Variants in ZMYM4 observed in about 807,000 individuals in gnomAD.
ZMYM4 encodes zinc finger MYM-type containing 4.
Under a neutral mutation model 183.2 loss-of-function variants are expected in ZMYM4, and 31 were observed. That is an observed-to-expected ratio of 0.17 (90% confidence interval 0.13 to 0.23). ZMYM4 has a LOEUF of 0.23. Ranked by LOEUF, ZMYM4 falls within the 10% of genes least tolerant of loss-of-function variation. ZMYM4 has a pLI of 1.00. For missense variants in ZMYM4, 1,273 were observed against 1,840.3 expected (o/e 0.69, Z 5.64); for synonymous variants, 592 against 631.2 (o/e 0.94, Z 0.93).
intron 1 of ZMYM4, among the ~76,000 whole-genome samples, chr1:35,298,410 C>CA (rs1008007619): frequency 1.6e-4 from 24 of 151,786 alleles, no homozygotes; most frequent in East Asian, 5.8e-4. Flanking sequence ...TACTGTGTCT[C>CA]AAAAAAAAGT....
chr1:35,390,397 A>T (rs1377647660), intron 15 of ZMYM4, among the ~76,000 whole-genome samples: 1 of 151,670 alleles, frequency 6.6e-6, no homozygotes, highest in Non-Finnish European at 1.5e-5. Context: ...CCGTTTTATA[A>T]GATTTGGGTA....
Position 35,389,917 on chromosome 1 carries a change from T to C in ZMYM4, c.2437-31T>C. ...TTTGTCAGACCACAGATAATTTGTTTCTTACTCCTTGACTACCTTCTTCTT... is the reference window on the plus strand; with the variant it reads ...TTTGTCAGACCACAGATAATTTGTTCCTTACTCCTTGACTACCTTCTTCTT... On this transcript the variant is annotated intron_variant, in intron 14 of 29. Coordinates refer to ENST00000314607, the MANE Select transcript of ZMYM4 (RefSeq NM_005095.3). The surrounding 1 kb of genome is among the most constrained non-coding windows in gnomAD (Gnocchi z 4.0). 6.3e-7 allele frequency: 1 copy of C among 1,587,894 alleles called. No homozygotes were observed. The highest frequency in any genetic ancestry group is 8.6e-7 in the Non-Finnish European group (1 of 1,163,112).
chr1:35,378,192 A>T (rs1346465488), intron 7 of ZMYM4, among the ~76,000 whole-genome samples: 1 of 152,156 alleles, frequency 6.6e-6, no homozygotes, highest in Admixed American at 6.5e-5. Flanking sequence ...ATTTGTAGTT[A>T]TTTCCTCCAC....
At chr1:35,301,318 G>A (rs7546349) in intron 1 of ZMYM4, among the ~76,000 whole-genome samples, 9,565 of 152,118 alleles carry the variant, frequency 0.063, 914 homozygotes, top group East Asian at 0.44. Flanking sequence ...AGGCCAAGGC[G>A]GGCGGATCAC....
At chr1:35,280,882 T>C (rs1304977623) in intron 1 of ZMYM4, among the ~76,000 whole-genome samples, 1 of 152,168 alleles carries the variant, frequency 6.6e-6, no homozygotes, top group Non-Finnish European at 1.5e-5. Context: ...AATGAAGTCA[T>C]ATTCTGAGGA....
intron 1 of ZMYM4, among the ~76,000 whole-genome samples, chr1:35,293,979 C>CA (rs1640886935): frequency 6.6e-6 from 1 of 151,978 alleles, no homozygotes; most frequent in African/African-American, 2.4e-5. Flanking sequence ...ACTAAAAACA[C>CA]AAAAAATTAG....
intron 1 of ZMYM4, among the ~76,000 whole-genome samples, chr1:35,287,636 T>TG (rs1323060596): frequency 6.6e-6 from 1 of 152,094 alleles, no homozygotes; most frequent in Non-Finnish European, 1.5e-5. Context: ...GACGGAGTCT[T>TG]GCTCTGTCAC....
intron 1 of ZMYM4, among the ~76,000 whole-genome samples, chr1:35,290,148 A>C (rs930094378): frequency 1.3e-5 from 2 of 152,086 alleles, no homozygotes; most frequent in Non-Finnish European, 2.9e-5. Context: ...TTGTATTTTT[A>C]GTAGAGACAG....
At chr1:35,383,280 A>G (rs1384836966) in intron 9 of ZMYM4, among the ~76,000 whole-genome samples, 3 of 152,094 alleles carry the variant, frequency 2.0e-5, no homozygotes, top group African/African-American at 7.2e-5. Flanking sequence ...AGGTGTATAT[A>G]TTTATGGGGT....
At chr1:35,346,717 T>C (rs1173748862) in intron 2 of ZMYM4, among the ~76,000 whole-genome samples, 2 of 150,584 alleles carry the variant, frequency 1.3e-5, no homozygotes, top group Non-Finnish European at 3.0e-5. Context: ...TTTCCCTAAG[T>C]AGCTTTCTAA....
At chr1:35,385,742 T>C (rs1644561475) in intron 10 of ZMYM4, 150 bp downstream of exon 10, 1 of 950,344 alleles carries the variant, frequency 1.1e-6, no homozygotes, top group Non-Finnish European at 1.5e-6. Context: ...CCTTGATTGC[T>C]TATTTATTTA....
chr1:35,297,892 T>G (rs1442956081), intron 1 of ZMYM4, among the ~76,000 whole-genome samples: 1 of 152,198 alleles, frequency 6.6e-6, no homozygotes, highest in Admixed American at 6.5e-5. Flanking sequence ...CAGTCCTGTA[T>G]CAGAGGACAG....
At chr1:35,292,741 C>T (rs189855450) in intron 1 of ZMYM4, among the ~76,000 whole-genome samples, 37 of 152,208 alleles carry the variant, frequency 2.4e-4, no homozygotes, top group Admixed American at 5.2e-4. Flanking sequence ...ATCAGGTGAT[C>T]CACTCGCCTC....
intron 1 of ZMYM4, chr1:35,310,470 A>C (rs963146830): frequency 1.3e-5 from 2 of 154,794 alleles, no homozygotes; most frequent in Non-Finnish European, 2.9e-5. Context: ...AAAAGATAAA[A>C]ATCTCTTGTA....
rs1640206814 is a variant in ZMYM4, at chr1:35,418,374, T to C, written c.4310-69T>C. 2.6e-6 allele frequency: 4 copies of C among 1,541,648 alleles called. No individual in the cohort carries two copies. The Admixed American group carries it at 5.7e-5, about 22-fold the overall frequency. ...AGTTCTGGCTGCGAAGCAAAGCTCA[T>C]TGGTGTCTTGAGACTCAAAGAATAG... On this transcript the variant is annotated intron_variant, in intron 28 of 29. Transcript: ENST00000314607.
intron 1 of ZMYM4, among the ~76,000 whole-genome samples, chr1:35,324,917 G>A (rs1456840994): frequency 6.6e-6 from 1 of 151,962 alleles, no homozygotes; most frequent in Admixed American, 6.6e-5. Flanking sequence ...CCCTATAACA[G>A]GCCTCACTTT....
At chr1:35,345,523 C>T (rs968669517) in intron 2 of ZMYM4, among the ~76,000 whole-genome samples, 11 of 151,746 alleles carry the variant, frequency 7.2e-5, no homozygotes, top group Non-Finnish European at 1.2e-4. Flanking sequence ...GGTGCGATCT[C>T]GACTCACTGC....
intron 1 of ZMYM4, among the ~76,000 whole-genome samples, chr1:35,314,964 G>T (rs1163234755): frequency 6.6e-6 from 1 of 151,598 alleles, no homozygotes; most frequent in Non-Finnish European, 1.5e-5. Flanking sequence ...GGCAGAGTTT[G>T]CAGTGAGCCG....
At chr1:35,321,442 T>A (rs898005450) in intron 1 of ZMYM4, among the ~76,000 whole-genome samples, 19 of 152,158 alleles carry the variant, frequency 1.2e-4, no homozygotes, top group African/African-American at 4.6e-4. Flanking sequence ...TTATTTATCA[T>A]GGCTGGAGCA....
Sources: allele counts gnomAD v4.1 joint callset (sites outside exome capture counted in the v4.1 genomes callset), GRCh38; gene constraint gnomAD v4.1.1; non-coding constraint Gnocchi (gnomAD v3.1); transcripts MANE v1.5; gene names NCBI Gene and HGNC (gene_info 2026-07-23, HGNC 2026-07-21).